Variants in TENM2 observed in about 807,000 individuals in gnomAD.
TENM2 encodes teneurin-2.
In TENM2, 52 loss-of-function variants were observed where a neutral mutation model predicts 245.2. The ratio of observed to expected loss-of-function variants is 0.21; its 90% confidence interval spans 0.17 to 0.27. The LOEUF (loss-of-function observed/expected upper bound fraction) is 0.27. TENM2 is among the 10% of genes least tolerant of loss of function. The pLI, the probability that TENM2 is intolerant of heterozygous loss-of-function variation, is 1.00. For synonymous variants in TENM2, 1,363 were observed against 1,438.9 expected (o/e 0.95, Z 1.19); for missense variants, 3,046 against 3,666.8 (o/e 0.83, Z 4.37).
chr5:167,717,943 C>T (rs918629619), intron 2 of TENM2, among the ~76,000 whole-genome samples: 1 of 152,168 alleles, frequency 6.6e-6, no homozygotes, highest in Non-Finnish European at 1.5e-5. Context: ...TTGTCAAATA[C>T]CCTGACTTCT....
At chr5:168,046,434 G>A (rs1015635989) in intron 5 of TENM2, among the ~76,000 whole-genome samples, 2 of 152,314 alleles carry the variant, frequency 1.3e-5, no homozygotes, top group African/African-American at 4.8e-5. Flanking sequence ...CTCAAAGGAA[G>A]CATCTCTTAG....
At chr5:167,147,066 T>C in the TENM2 span, among the ~76,000 whole-genome samples, 1 of 152,192 alleles carries the variant, frequency 6.6e-6, no homozygotes, top group Non-Finnish European at 1.5e-5. Context: ...AGAGCATATT[T>C]ACAGACACAC....
chr5:168,036,707 G>GTATATATATATATGTATGTGTA (rs202165206), intron 5 of TENM2, among the ~76,000 whole-genome samples: 9 of 114,160 alleles, frequency 7.9e-5, no homozygotes, highest in African/African-American at 3.5e-4. Flanking sequence ...ATATGTATGT[G>GTATATATATATATGTATGTGTA]TATATATATG....
intron 2 of TENM2, among the ~76,000 whole-genome samples, chr5:167,577,378 C>A (rs1774776563): frequency 6.6e-6 from 1 of 152,108 alleles, no homozygotes; most frequent in South Asian, 2.1e-4. Flanking sequence ...TCTTCTTTGG[C>A]ATTGAATCAC....
chr5:167,855,623 C>A (rs1246369280), intron 2 of TENM2, among the ~76,000 whole-genome samples: 1 of 127,864 alleles, frequency 7.8e-6, no homozygotes, highest in Non-Finnish European at 1.5e-5. Flanking sequence ...ACTAGACACT[C>A]GAAGAATATG....
At chr5:167,255,073 CTT>C in the TENM2 span, among the ~76,000 whole-genome samples, 114 of 125,296 alleles carry the variant, frequency 9.1e-4, no homozygotes, top group Non-Finnish European at 9.4e-4. Flanking sequence ...CTTTTCTTTT[CTT>C]TTTTTTTTTT....
the TENM2 span, among the ~76,000 whole-genome samples, chr5:167,145,746 G>A: frequency 6.6e-6 from 1 of 152,056 alleles, no homozygotes; most frequent in South Asian, 2.1e-4. Context: ...CAATGCCAAT[G>A]GGACTGAAAA....
At chr5:168,075,278 A>G (rs1351782495) in intron 7 of TENM2, among the ~76,000 whole-genome samples, 1 of 152,008 alleles carries the variant, frequency 6.6e-6, no homozygotes, top group African/African-American at 2.4e-5. Flanking sequence ...ATTCCTTTTA[A>G]TGTCTGAGTA....
At chr5:168,145,556 C>G (rs1435101069) in intron 12 of TENM2, among the ~76,000 whole-genome samples, 18 of 148,068 alleles carry the variant, frequency 1.2e-4, no homozygotes, top group Non-Finnish European at 2.4e-4. Flanking sequence ...GTTTTGGTAC[C>G]AGTACCATGC....
chr5:167,112,274 G>A, the TENM2 span, among the ~76,000 whole-genome samples: 13 of 152,254 alleles, frequency 8.5e-5, no homozygotes, highest in East Asian at 1.9e-4. Context: ...TTTCACACAC[G>A]GTGGTAAATG....
chr5:167,541,918 A>C (rs1339093509), intron 2 of TENM2, among the ~76,000 whole-genome samples: 1 of 152,218 alleles, frequency 6.6e-6, no homozygotes. Flanking sequence ...GGATTGTTAG[A>C]GTTGGGGCAG....
At chr5:168,089,309 C>G (rs1792723627) in intron 7 of TENM2, among the ~76,000 whole-genome samples, 2 of 152,058 alleles carry the variant, frequency 1.3e-5, no homozygotes, top group African/African-American at 4.8e-5. Context: ...CTAATTGGTC[C>G]TCCTACTTTC....
chr5:167,437,749 G>T (rs1286103841), intron 2 of TENM2, among the ~76,000 whole-genome samples: 1 of 152,134 alleles, frequency 6.6e-6, no homozygotes, highest in East Asian at 1.9e-4. Context: ...AGTCTCACGA[G>T]ATCTGATGAT....
chr5:167,206,482 C>G, the TENM2 span, among the ~76,000 whole-genome samples: 1 of 152,138 alleles, frequency 6.6e-6, no homozygotes, highest in Non-Finnish European at 1.5e-5. Context: ...TTCCATATCC[C>G]ATGAAAGATA....
At chr5:167,035,491 C>A in the TENM2 span, among the ~76,000 whole-genome samples, 1 of 152,316 alleles carries the variant, frequency 6.6e-6, no homozygotes, top group South Asian at 2.1e-4. Context: ...TGTCGTTCAT[C>A]ACCATTTTCT....
At chr5:167,326,291 C>T (rs1194615575) in intron 1 of TENM2, among the ~76,000 whole-genome samples, 1 of 152,094 alleles carries the variant, frequency 6.6e-6, no homozygotes, top group African/African-American at 2.4e-5. Context: ...TGGGAAGTCA[C>T]TGGATCTGAG....
intron 5 of TENM2, among the ~76,000 whole-genome samples, chr5:168,042,042 G>C (rs1357557930): frequency 2.0e-5 from 3 of 152,238 alleles, no homozygotes; most frequent in Non-Finnish European, 2.9e-5. Context: ...TTTCCCCCAG[G>C]AGCCCCGACA....
the TENM2 span, among the ~76,000 whole-genome samples, chr5:167,092,857 A>T: frequency 6.6e-6 from 1 of 152,184 alleles, no homozygotes; most frequent in Non-Finnish European, 1.5e-5. Flanking sequence ...CCAGTAAGAG[A>T]TACAAATATC....
At chr5:168,013,609 A>G (rs1309242114) in intron 5 of TENM2, among the ~76,000 whole-genome samples, 2 of 132,370 alleles carry the variant, frequency 1.5e-5, no homozygotes, top group Non-Finnish European at 3.3e-5. Flanking sequence ...GTCTCAACAA[A>G]ACAAAACAAA....
Sources: gnomAD v4.1 joint callset for allele counts (sites outside exome capture counted in the v4.1 genomes callset) on GRCh38, gnomAD v4.1.1 for gene constraint, MANE v1.5 for transcripts, NCBI Gene and HGNC (gene_info 2026-07-23, HGNC 2026-07-21) for gene names.